ZMYM2: variants seen among roughly 807,000 people sequenced by gnomAD.
The protein encoded by ZMYM2 is zinc finger MYM-type protein 2.
In ZMYM2, 56 loss-of-function variants were observed where a neutral mutation model predicts 162.8. That is an observed-to-expected ratio of 0.34 (90% CI 0.28 to 0.43). The LOEUF (loss-of-function observed/expected upper bound fraction) is 0.43. Among genes scored for constraint, ZMYM2 ranks in the 20% least tolerant of loss-of-function variants. ZMYM2 has a pLI of 1.00. For missense variants in ZMYM2, 1,275 were observed against 1,621.8 expected (o/e 0.79, Z 3.67); for synonymous variants, 510 against 541.6 (o/e 0.94, Z 0.81).
chr13:19,911,862 T>C, the ZMYM2 span, among the ~76,000 whole-genome samples: 1 of 152,220 alleles, frequency 6.6e-6, no homozygotes, highest in East Asian at 1.9e-4. Context: ...AGAAAAATCA[T>C]AAAGCAAAAG....
chr13:19,889,380 G>A, the ZMYM2 span, among the ~76,000 whole-genome samples: 2 of 151,902 alleles, frequency 1.3e-5, no homozygotes, highest in Non-Finnish European at 2.9e-5. Context: ...GCCCAATGGC[G>A]CAATCTTGGC....
chr13:20,063,808 A>G (rs1956419228), intron 18 of ZMYM2, among the ~76,000 whole-genome samples: 1 of 145,456 alleles, frequency 6.9e-6, no homozygotes, highest in Non-Finnish European at 1.5e-5. Context: ...AAAATATATA[A>G]TATATATAAT....
chr13:19,870,730 G>A, the ZMYM2 span, among the ~76,000 whole-genome samples: 13 of 151,660 alleles, frequency 8.6e-5, no homozygotes, highest in Non-Finnish European at 1.3e-4. Flanking sequence ...GGGTTCAAGC[G>A]ATTCTTGTGC....
chr13:19,872,548 T>C, the ZMYM2 span, among the ~76,000 whole-genome samples: 9 of 149,834 alleles, frequency 6.0e-5, no homozygotes, highest in African/African-American at 2.0e-4. Flanking sequence ...AGACCCCATC[T>C]CAAAAATAAA....
chr13:19,914,069 T>G, the ZMYM2 span, among the ~76,000 whole-genome samples: 2 of 152,164 alleles, frequency 1.3e-5, no homozygotes, highest in Non-Finnish European at 2.9e-5. Flanking sequence ...AATGGCCAGA[T>G]GTATAATTAT....
the ZMYM2 span, among the ~76,000 whole-genome samples, chr13:19,895,075 T>G: frequency 8.0e-5 from 1 of 12,450 alleles, no homozygotes; most frequent in Admixed American, 1.3e-3. Context: ...AAACTCCATC[T>G]CAAAAAAAAA....
the ZMYM2 span, chr13:19,864,194 C>T: frequency 4.5e-5 from 7 of 154,490 alleles, no homozygotes; most frequent in African/African-American, 1.4e-4. Context: ...GCCAAGTGAG[C>T]TTTCGGGGCC....
At chr13:19,945,220 A>T in the ZMYM2 span, among the ~76,000 whole-genome samples, 1 of 152,168 alleles carries the variant, frequency 6.6e-6, no homozygotes, top group Non-Finnish European at 1.5e-5. Context: ...TAGAATACTC[A>T]GCAATGTTAT....
intron 2 of ZMYM2, among the ~76,000 whole-genome samples, chr13:19,963,585 A>C (rs944193103): frequency 2.6e-5 from 4 of 152,102 alleles, no homozygotes; most frequent in African/African-American, 9.7e-5. Context: ...ATCACTTCGT[A>C]GTCTTTGATG....
rs17076304 is a variant in ZMYM2 at position 20,086,978 on chromosome 13, G to A, written c.*964G>A. 3,648 of 181,904 alleles carry A rather than the reference G, an allele frequency of 0.02. 110 individuals are homozygous for A. The highest frequency in any genetic ancestry group is 0.068 in the African/African-American group (2,874 of 42,498). 11.3% of individuals were successfully genotyped at this position (181,904 alleles called of 1,614,324 possible). A position where few individuals can be genotyped will look rare whatever the true frequency, so the allele number is the denominator to read the frequency against. On this transcript the variant is annotated 3_prime_UTR_variant, in exon 25 of 25. Coordinates refer to ENST00000610343, the MANE Select transcript of ZMYM2 (RefSeq NM_197968.4). ...TTAAGGATACAGATCATGCTGCAAT[G>A]TTAGCTGTGTAGTACTCTAAAACTT...
chr13:20,015,142 C>G (rs966966383), intron 6 of ZMYM2, among the ~76,000 whole-genome samples: 1 of 152,086 alleles, frequency 6.6e-6, no homozygotes, highest in Non-Finnish European at 1.5e-5. Context: ...CATCTCATAA[C>G]TTTTGGTATT....
At chr13:19,940,767 G>A in the ZMYM2 span, among the ~76,000 whole-genome samples, 1 of 152,150 alleles carries the variant, frequency 6.6e-6, no homozygotes, top group Admixed American at 6.6e-5. Context: ...TTTTTCTAAG[G>A]AAATGCTATA....
chr13:19,875,968 C>T, the ZMYM2 span, among the ~76,000 whole-genome samples: 10 of 151,866 alleles, frequency 6.6e-5, no homozygotes. Flanking sequence ...AAACATGTAC[C>T]CACTGAATCT....
intron 2 of ZMYM2, among the ~76,000 whole-genome samples, chr13:19,976,534 C>T (rs1956810020): frequency 6.6e-6 from 1 of 151,982 alleles, no homozygotes; most frequent in Non-Finnish European, 1.5e-5. Context: ...TTTTATAAAA[C>T]CAGAACTCTA....
At chr13:20,042,037 G>T (rs1246387767) in intron 12 of ZMYM2, among the ~76,000 whole-genome samples, 1 of 152,058 alleles carries the variant, frequency 6.6e-6, no homozygotes, top group African/African-American at 2.4e-5. Flanking sequence ...TATGTGCCTT[G>T]AGAATGATCT....
chr13:19,961,606 G>A (rs1325611102), intron 2 of ZMYM2, among the ~76,000 whole-genome samples: 2 of 152,158 alleles, frequency 1.3e-5, no homozygotes, highest in African/African-American at 2.4e-5. Context: ...GATAGGGGAA[G>A]CTTGATAATT....
At chr13:19,983,090 C>T (rs755097734) in intron 2 of ZMYM2, among the ~76,000 whole-genome samples, 8 of 151,822 alleles carry the variant, frequency 5.3e-5, no homozygotes, top group Non-Finnish European at 5.9e-5. Context: ...GTAAATCTTC[C>T]GGGTCTTTGG....
At chr13:19,975,043 A>G (rs1459011745) in intron 2 of ZMYM2, among the ~76,000 whole-genome samples, 3 of 151,706 alleles carry the variant, frequency 2.0e-5, no homozygotes, top group East Asian at 1.9e-4. Context: ...CATTTATTCT[A>G]TTTGATTGTG....
intron 2 of ZMYM2, among the ~76,000 whole-genome samples, chr13:19,962,509 A>ATT: frequency 3.5e-5 from 2 of 57,140 alleles, no homozygotes; most frequent in African/African-American, 1.3e-4. Context: ...ATATATATAT[A>ATT]TATATATTTT....
Sources: gnomAD v4.1 joint callset for allele counts (sites outside exome capture counted in the v4.1 genomes callset) on GRCh38, gnomAD v4.1.1 for gene constraint, MANE v1.5 for transcripts, NCBI Gene and HGNC (gene_info 2026-07-23, HGNC 2026-07-21) for gene names.